Variants in MCUB observed in about 807,000 individuals in gnomAD.
MCUB encodes the protein calcium uniporter regulatory subunit MCUb, mitochondrial.
A neutral mutation model predicts 41.4 loss-of-function variants in MCUB; 46 were observed. The observed-to-expected ratio is 1.11, with a 90% CI of 0.88 to 1.42. The LOEUF (loss-of-function observed/expected upper bound fraction) is 1.42, where lower values mean the gene tolerates loss of function less well. Ranked by LOEUF, MCUB falls within the 40% of genes most tolerant of loss-of-function variation. The probability of loss-of-function intolerance (pLI) is 0.00; values close to 1 mark genes in which losing one functional copy is unlikely to be tolerated. For synonymous variants in MCUB, 148 were observed against 148.2 expected (o/e 1.00, Z 0.01); for missense variants, 403 against 404.9 (o/e 1.00, Z 0.04).
chr4:109,624,924 G>A (rs547816153), intron 1 of MCUB, among the ~76,000 whole-genome samples: 1 of 152,274 alleles, frequency 6.6e-6, no homozygotes, highest in African/African-American at 2.4e-5. Flanking sequence ...TGGATCATTT[G>A]AGGTCAGGAG....
At chr4:109,566,545 A>G (rs1726783664) in intron 1 of MCUB, among the ~76,000 whole-genome samples, 1 of 152,188 alleles carries the variant, frequency 6.6e-6, no homozygotes, top group African/African-American at 2.4e-5. Context: ...CACTCTGTTG[A>G]CTGCCTAAGA....
chr4:109,618,404 T>TA (rs1728175679), intron 1 of MCUB, among the ~76,000 whole-genome samples: 1 of 152,228 alleles, frequency 6.6e-6, no homozygotes, highest in African/African-American at 2.4e-5. Context: ...GTAATGCTCT[T>TA]ACATTAGCTC....
intron 4 of MCUB, among the ~76,000 whole-genome samples, chr4:109,666,577 G>T (rs1337954664): frequency 6.6e-6 from 1 of 152,136 alleles, no homozygotes; most frequent in Non-Finnish European, 1.5e-5. Context: ...ACGCCTATTT[G>T]CCATCTATGT....
At chr4:109,640,172 G>A (rs1254201774) in intron 1 of MCUB, among the ~76,000 whole-genome samples, 1 of 152,228 alleles carries the variant, frequency 6.6e-6, no homozygotes, top group East Asian at 1.9e-4. Context: ...TTAAGGGCAG[G>A]GGAATATCTC....
chr4:109,563,759 T>C (rs1374090823), intron 1 of MCUB, among the ~76,000 whole-genome samples: 1 of 152,242 alleles, frequency 6.6e-6, no homozygotes, highest in Non-Finnish European at 1.5e-5. Context: ...GGCAGAAAGA[T>C]ATTTGTTGAA....
intron 1 of MCUB, among the ~76,000 whole-genome samples, chr4:109,634,513 C>T (rs1418990601): frequency 1.3e-5 from 2 of 151,100 alleles, no homozygotes; most frequent in African/African-American, 4.9e-5. Context: ...AGAAGTGTCT[C>T]CATGCTCCGT....
intron 1 of MCUB, among the ~76,000 whole-genome samples, chr4:109,612,327 T>A (rs986457934): frequency 7.1e-6 from 1 of 141,318 alleles, no homozygotes; most frequent in Non-Finnish European, 1.5e-5. Flanking sequence ...AGTGCAGTGG[T>A]GTGATCCCGG....
chr4:109,652,225 G>A (rs1728977703), intron 1 of MCUB, among the ~76,000 whole-genome samples: 1 of 152,136 alleles, frequency 6.6e-6, no homozygotes, highest in East Asian at 1.9e-4. Context: ...CACATTCTGA[G>A]GTACTAGGGG....
At chr4:109,597,974 C>T (rs1258068850) in intron 1 of MCUB, among the ~76,000 whole-genome samples, 8 of 148,600 alleles carry the variant, frequency 5.4e-5, no homozygotes, top group East Asian at 2.0e-4. Context: ...GGGGCAGAGG[C>T]GCTCCCCACA....
intron 1 of MCUB, among the ~76,000 whole-genome samples, chr4:109,591,403 C>T (rs1351450673): frequency 6.6e-6 from 1 of 151,992 alleles, no homozygotes; most frequent in Non-Finnish European, 1.5e-5. Flanking sequence ...CCAGGCTGGT[C>T]TTAAACTCCT....
Position 109,560,402 on chromosome 4 carries a change from C to T in MCUB, c.65C>T (p.Pro22Leu). The change falls in exon 1 of 8, where the codon CCA becomes CTA. Residue 22 changes from proline to leucine, a missense_variant. Coordinates refer to ENST00000394650, the MANE Select transcript of MCUB (RefSeq NM_017918.5). ...RLLPTPGTWR[P>L]ARPWPLPPPP... ...CTGCCGACCCCTGGCACCTGGCGCC[C>T]AGCGCGCCCGTGGCCGCTGCCGCCT... 7.6e-7 allele frequency: 1 copy of T among 1,320,808 alleles called. No individual in the cohort carries two copies. The highest frequency in any genetic ancestry group is 2.1e-5 in the South Asian group (1 of 46,908). The allele number at this position is 1,320,808 out of a possible 1,614,324, so 81.8% of individuals were successfully genotyped here. A position where few individuals can be genotyped will look rare whatever the true frequency, so the allele number is the denominator to read the frequency against.
intron 1 of MCUB, among the ~76,000 whole-genome samples, chr4:109,629,756 G>C (rs143207846): frequency 1.3e-5 from 2 of 152,210 alleles, no homozygotes; most frequent in Admixed American, 6.5e-5. Context: ...CACTCTCTGG[G>C]GATGCCATTC....
intron 1 of MCUB, among the ~76,000 whole-genome samples, chr4:109,598,357 C>A (rs1477687327): frequency 6.6e-6 from 1 of 152,162 alleles, no homozygotes; most frequent in Non-Finnish European, 1.5e-5. Context: ...CCTTGGGAGG[C>A]CGAGGCTGGC....
Position 109,664,477 on chromosome 4 carries a change from T to G in MCUB, c.451+83T>G, listed in dbSNP as rs184040570. ...ACTTGCTCTGTTTCCCAGGCTGGAGTACAGTGACGTCGTCATAGCTCACTG... is the reference window on the plus strand; with the variant it reads ...ACTTGCTCTGTTTCCCAGGCTGGAGGACAGTGACGTCGTCATAGCTCACTG... On this transcript the variant is annotated intron_variant, in intron 4 of 7. Coordinates refer to ENST00000394650, the MANE Select transcript of MCUB (RefSeq NM_017918.5). The G allele has an allele frequency of 1.4e-5, 9 of 623,886 alleles. No homozygotes were observed. In the Admixed American group the frequency reaches 2.2e-4, roughly 16 times the overall value. 38.6% of individuals were successfully genotyped at this position (623,886 alleles called of 1,614,324 possible).
rs201657932 is a variant in MCUB, at chr4:109,563,660, G to GT, written c.99+3232dup. Among the ~76,000 whole-genome samples, 98 of 152,006 alleles carry GT rather than the reference G, an allele frequency of 6.4e-4. 1 individual carries two copies. The highest frequency in any genetic ancestry group is 4.8e-3 in the Admixed American group (73 of 15,258). On this transcript the variant is annotated intron_variant, in intron 1 of 7. Transcript: ENST00000394650. Reference sequence around the variant, plus strand: ...TTTTGCAGCACTTAAGTATTAGTGTGTTTTTTTTAGATTTTGCTTGTTATT... The same window carrying GT: ...TTTTGCAGCACTTAAGTATTAGTGTGTTTTTTTTTAGATTTTGCTTGTTATT...
intron 4 of MCUB, 127 bp from the exon 5 acceptor site, chr4:109,682,455 G>A (rs1173972057): frequency 4.1e-6 from 3 of 725,556 alleles, no homozygotes; most frequent in Non-Finnish European, 7.0e-6. Flanking sequence ...TTACATGTTT[G>A]TACACCAGCT....
chr4:109,643,764 A>G (rs889073650), intron 1 of MCUB, among the ~76,000 whole-genome samples: 1 of 152,156 alleles, frequency 6.6e-6, no homozygotes, highest in African/African-American at 2.4e-5. Context: ...TCAGCCTCCC[A>G]AAGTGCTGGG....
Position 109,599,675 on chromosome 4 carries a change from T to A in MCUB, c.99+39239T>A, listed in dbSNP as rs564413736. Among the ~76,000 whole-genome samples the A allele has an allele frequency of 4.8e-5, 7 of 144,660 alleles. No individual in the cohort carries two copies. In the South Asian group the frequency reaches 1.5e-3, roughly 31 times the overall value. The allele number at this position is 144,660 out of a possible 152,430, so 94.9% of individuals were successfully genotyped here. A position where few individuals can be genotyped will look rare whatever the true frequency, so the allele number is the denominator to read the frequency against. On this transcript the variant is annotated intron_variant, in intron 1 of 7. Coordinates refer to ENST00000394650, the MANE Select transcript of MCUB (RefSeq NM_017918.5). ...TTATTAAAATCATGTTAATATTTAT[T>A]TATTTATTTTTTTAAGACAGAATCT...
At chr4:109,573,008 A>G (rs1311844055) in intron 1 of MCUB, among the ~76,000 whole-genome samples, 1 of 152,218 alleles carries the variant, frequency 6.6e-6, no homozygotes, top group Non-Finnish European at 1.5e-5. Context: ...TAAACATATT[A>G]TAAACTGTAC....
Sources: gnomAD v4.1 joint callset for allele counts (sites outside exome capture counted in the v4.1 genomes callset) on GRCh38, gnomAD v4.1.1 for gene constraint, MANE v1.5 for transcripts, NCBI Gene and HGNC (gene_info 2026-07-23, HGNC 2026-07-21) for gene names.